The following COL5A2 variants were observed in gnomAD, a reference collection of about 807,000 sequenced individuals.
COL5A2 encodes the protein collagen type V alpha 2 chain, also known as collagen alpha-2(V) chain.
COL5A2 carries 23 observed loss-of-function variants against 208.2 expected under a neutral mutation model. The observed-to-expected ratio is 0.11, with a 90% CI of 0.08 to 0.16. COL5A2 has a LOEUF of 0.16. Among genes scored for constraint, COL5A2 ranks in the 10% least tolerant of loss-of-function variants. The pLI, the probability that COL5A2 is intolerant of heterozygous loss-of-function variation, is 1.00. For synonymous variants in COL5A2, 625 were observed against 628.5 expected (o/e 0.99, Z 0.08); for missense variants, 1,590 against 1,956.4 (o/e 0.81, Z 3.53).
At chr2:189,106,304 A>T (rs1369090837) in intron 2 of COL5A2, among the ~76,000 whole-genome samples, 3 of 151,294 alleles carry the variant, frequency 2.0e-5, no homozygotes, top group Non-Finnish European at 3.0e-5. Flanking sequence ...GTATTAAAAA[A>T]TTTTCATCAG....
At chr2:189,064,152 A>C in intron 25 of COL5A2, 119 bp from the exon 26 acceptor site, 1 of 829,132 alleles carries the variant, frequency 1.2e-6, no homozygotes, top group Non-Finnish European at 2.0e-6. Flanking sequence ...TCTGTAAATC[A>C]AATAAATTTT....
At chr2:189,215,666 T>C (rs1005966117) in intron 1 of COL5A2, among the ~76,000 whole-genome samples, 14 of 152,116 alleles carry the variant, frequency 9.2e-5, no homozygotes, top group African/African-American at 3.4e-4. Context: ...AATATATATA[T>C]AGACATATAC....
At chr2:189,059,122 A>AT (rs1281075080) in intron 31 of COL5A2, among the ~76,000 whole-genome samples, 1 of 152,186 alleles carries the variant, frequency 6.6e-6, no homozygotes, top group Non-Finnish European at 1.5e-5. Flanking sequence ...TGAATGTTTG[A>AT]TTTTTGGCAA....
the COL5A2 span, among the ~76,000 whole-genome samples, chr2:189,326,710 TTCTGGTGGGGAGTGGGGGGAGTTCAC>T: frequency 6.6e-6 from 1 of 151,272 alleles, no homozygotes; most frequent in Non-Finnish European, 1.5e-5. Context: ...ATTATACCTT[TTCTGGTGGGGAGTGGGGGGAGTTCAC>T]CCACTCCCCA....
the COL5A2 span, among the ~76,000 whole-genome samples, chr2:189,351,052 C>T: frequency 0.036 from 5,543 of 152,270 alleles, 117 homozygotes; most frequent in Admixed American, 0.05. Context: ...TCTTGCTTCT[C>T]ACTGCCTATG....
At position 189,179,757 on chromosome 2, in the gene COL5A2, T is replaced by C; in HGVS notation, c.-153A>G. 1 of 1,388,086 alleles carries C rather than the reference T, an allele frequency of 7.2e-7. No homozygotes were observed. Among genetic ancestry groups the C allele is most frequent in the Non-Finnish European group, 9.7e-7 (1 of 1,027,094 alleles). 86.0% of individuals were successfully genotyped at this position (1,388,086 alleles called of 1,614,324 possible). A position where few individuals can be genotyped will look rare whatever the true frequency, so the allele number is the denominator to read the frequency against. Reference sequence around the variant, plus strand: ...TTTTTCAGCACCAGCTCCAGCACAGTCTGCGAAAACTTTTTTCAAGCGATG... The same window carrying C: ...TTTTTCAGCACCAGCTCCAGCACAGCCTGCGAAAACTTTTTTCAAGCGATG... On this transcript the variant is annotated 5_prime_UTR_variant, in exon 1 of 54. Transcript: ENST00000374866.
intron 1 of COL5A2, among the ~76,000 whole-genome samples, chr2:189,155,853 C>T (rs1173366167): frequency 6.6e-6 from 1 of 152,052 alleles, no homozygotes; most frequent in Non-Finnish European, 1.5e-5. Flanking sequence ...GGGCTGCACC[C>T]CTTCTGGAAG....
chr2:189,427,428 C>A, the COL5A2 span, among the ~76,000 whole-genome samples: 1 of 152,148 alleles, frequency 6.6e-6, no homozygotes, highest in Non-Finnish European at 1.5e-5. Context: ...TCACGGAGAC[C>A]CTTTACTAGG....
At chr2:189,269,310 T>A in the COL5A2 span, among the ~76,000 whole-genome samples, 1 of 152,166 alleles carries the variant, frequency 6.6e-6, no homozygotes, top group Non-Finnish European at 1.5e-5. Flanking sequence ...CATCGTTGTC[T>A]TGTGGCGGTT....
rs915368860 is a variant in COL5A2, at chr2:189,031,946, A to G, written c.*2124T>C. On this transcript the variant is annotated 3_prime_UTR_variant, in exon 54 of 54. Transcript: ENST00000374866. ...TAGCATTCCCAAAATCCAAATAAGA[A>G]CTGTTATTTCTATAGTTGGAAATTG... 1 of 152,046 alleles carries G rather than the reference A, an allele frequency of 6.6e-6. No individual in the cohort carries two copies. Among genetic ancestry groups the G allele is most frequent in the African/African-American group, 2.4e-5 (1 of 41,414 alleles). The allele number at this position is 152,046 out of a possible 1,614,324, so 9.4% of individuals were successfully genotyped here.
At chr2:189,207,409 T>C (rs1482832439) in intron 1 of COL5A2, among the ~76,000 whole-genome samples, 3 of 152,196 alleles carry the variant, frequency 2.0e-5, no homozygotes, top group Non-Finnish European at 2.9e-5. Flanking sequence ...TAAATGTAAG[T>C]TACAAAGCAC....
chr2:189,256,224 A>G, the COL5A2 span, among the ~76,000 whole-genome samples: 1 of 152,224 alleles, frequency 6.6e-6, no homozygotes, highest in Non-Finnish European at 1.5e-5. Flanking sequence ...GATGGAATAA[A>G]TGAGCCTGTG....
chr2:189,344,092 T>TA, the COL5A2 span, among the ~76,000 whole-genome samples: 2 of 152,190 alleles, frequency 1.3e-5, no homozygotes, highest in Non-Finnish European at 2.9e-5. Flanking sequence ...TAAATGTACA[T>TA]ACACATAAAC....
chr2:189,222,885 G>A (rs73980189), intron 1 of COL5A2, among the ~76,000 whole-genome samples: 41 of 152,266 alleles, frequency 2.7e-4, no homozygotes, highest in African/African-American at 9.9e-4. Context: ...ACTAGAGTAA[G>A]CCAGCATTGG....
chr2:189,114,331 A>C (rs1181614877), intron 1 of COL5A2, among the ~76,000 whole-genome samples: 6 of 152,316 alleles, frequency 3.9e-5, no homozygotes, highest in African/African-American at 1.4e-4. Flanking sequence ...TGCAGTTTTC[A>C]CGGATCTACA....
chr2:189,390,833 T>C, the COL5A2 span, among the ~76,000 whole-genome samples: 92 of 152,224 alleles, frequency 6.0e-4, no homozygotes, highest in Non-Finnish European at 1.2e-3. Flanking sequence ...ATTTCCCCAA[T>C]TTATTCAGCA....
the COL5A2 span, among the ~76,000 whole-genome samples, chr2:189,326,625 C>T: frequency 6.6e-6 from 1 of 151,872 alleles, no homozygotes; most frequent in Non-Finnish European, 1.5e-5. Context: ...CCCAGACATT[C>T]AATGTTACAG....
chr2:189,186,300 A>G (rs1383596776), intron 1 of COL5A2, among the ~76,000 whole-genome samples: 1 of 152,250 alleles, frequency 6.6e-6, no homozygotes, highest in East Asian at 1.9e-4. Context: ...TCAAGCCAAC[A>G]AACCATAATT....
At chr2:189,274,585 G>C in the COL5A2 span, among the ~76,000 whole-genome samples, 4,937 of 152,184 alleles carry the variant, frequency 0.032, 83 homozygotes, top group Admixed American at 0.047. Context: ...AAAATGGTCA[G>C]CAAATTACAG....
Sources: gnomAD v4.1 joint callset for allele counts (sites outside exome capture counted in the v4.1 genomes callset) on GRCh38, gnomAD v4.1.1 for gene constraint, MANE v1.5 for transcripts, NCBI Gene and HGNC (gene_info 2026-07-23, HGNC 2026-07-21) for gene names.